The following MMP9 variants were observed in gnomAD, a reference collection of about 807,000 sequenced individuals.
The protein encoded by MMP9 is matrix metallopeptidase 9, also known as matrix metalloproteinase-9.
MMP9 carries 73 observed loss-of-function variants against 76.4 expected under a neutral mutation model. That is an observed-to-expected ratio of 0.96 (90% CI 0.79 to 1.16). The LOEUF (loss-of-function observed/expected upper bound fraction) is 1.16. Among genes scored for constraint, MMP9 ranks in the 50% most tolerant of loss-of-function variants. The pLI, the probability that MMP9 is intolerant of heterozygous loss-of-function variation, is 0.00. For synonymous variants in MMP9, 412 were observed against 408.4 expected (o/e 1.01, Z -0.11); for missense variants, 943 against 973.0 (o/e 0.97, Z 0.41).
intron 7 of MMP9, 31 bp from the exon 8 acceptor site, chr20:46,012,396 C>T: frequency 6.2e-7 from 1 of 1,613,746 alleles, no homozygotes; most frequent in Non-Finnish European, 8.5e-7. Context: ...CTCGGCCCGG[C>T]GCTCACGTCT....
chr20:46,012,469 C>T lies in MMP9; in HGVS notation c.1217C>T (p.Ala406Val), dbSNP rs748513980. Residue 406 changes from alanine to valine, a missense_variant, in exon 8 of 13, where the codon GCG becomes GTG. Ala to Val is a moderately conservative substitution (Grantham distance 64). Transcript: ENST00000372330. ...FLVAAHEFGH[A>V]LGLDHSSVPE... ...GTGGCGGCGCATGAGTTCGGCCACG[C>T]GCTGGGCTTAGATCATTCCTCAGTG... The T allele has an allele frequency of 3.1e-6, 5 of 1,614,190 alleles. No homozygotes were observed. Among genetic ancestry groups the T allele is most frequent in the Non-Finnish European group, 4.2e-6 (5 of 1,180,026 alleles).
At chr20:46,010,332 A>AAAAAAAAAAAAC (rs1555856978) in intron 2 of MMP9, 151 bp from the exon 3 acceptor site, 11 of 773,046 alleles carry the variant, frequency 1.4e-5, no homozygotes, top group African/African-American at 3.7e-5. Flanking sequence ...AAAAAAAAAA[A>AAAAAAAAAAAAC]AAAAAAAAAC....
rs144098289 is a variant in MMP9 at position 46,011,636 on chromosome 20, G to A, written c.886G>A (p.Gly296Ser). The part of the protein sequence containing the change: ...KPCQFPFIFQ[G>S]QSYSACTTDG... Reference sequence around the variant, plus strand: ...CTGCCAGTTTCCATTCATCTTCCAAGGCCAATCCTACTCCGCCTGCACCAC... The same window carrying A: ...CTGCCAGTTTCCATTCATCTTCCAAAGCCAATCCTACTCCGCCTGCACCAC... Residue 296 changes from glycine (G) to serine (S), a missense_variant, in exon 6 of 13, where the codon GGC (glycine) becomes AGC (serine). Transcript: ENST00000372330. The A allele has an allele frequency of 2.2e-3, 3,540 of 1,613,814 alleles. 8 individuals are homozygous for A. Among genetic ancestry groups the A allele is most frequent in the Admixed American group, 3.5e-3 (207 of 59,990 alleles).
rs200013592 is a variant in MMP9, at chr20:46,016,225, T to C, written c.2006-25T>C. 301 of 1,591,416 alleles carry C rather than the reference T, an allele frequency of 1.9e-4. 4 individuals carry two copies. In the South Asian group the frequency reaches 3.0e-3, roughly 16 times the overall value. ...TATGTGGGAGAATTAGAATCACTCC[T>C]CTTATGCCTGCCTGTCTCCTGCAGA... On this transcript the variant is annotated intron_variant, in intron 12 of 12. Transcript: ENST00000372330.
rs765967228 is a variant in MMP9, at chr20:46,016,239, G to C, written c.2006-11G>C. The C allele has an allele frequency of 6.2e-7, 1 of 1,610,118 alleles. No individual in the cohort carries two copies. Among genetic ancestry groups the C allele is most frequent in the Admixed American group, 1.7e-5 (1 of 60,026 alleles). On this transcript the variant is annotated splice_polypyrimidine_tract_variant and intron_variant, in intron 12 of 12. Coordinates refer to ENST00000372330, the MANE Select transcript of MMP9 (RefSeq NM_004994.3). ...AGAATCACTCCTCTTATGCCTGCCT[G>C]TCTCCTGCAGAGAAAGCCTATTTCT... is the stretch of plus-strand genomic sequence containing the variant.
intron 4 of MMP9, 32 bp from the exon 5 acceptor site, chr20:46,011,111 C>T: frequency 6.2e-7 from 1 of 1,614,024 alleles, no homozygotes. Context: ...CATCACCCGC[C>T]GCCCTAACTC....
chr20:46,011,115 C>A, intron 4 of MMP9, 28 bp from the exon 5 acceptor site: 2 of 1,614,048 alleles, frequency 1.2e-6, no homozygotes, highest in Non-Finnish European at 1.7e-6. Context: ...ACCCGCCGCC[C>A]TAACTCCGGT....
In MMP9 at chr20:46,013,399, G is replaced by A; in HGVS notation, c.1475G>A (p.Gly492Asp). Residue 492 changes from glycine (G) to aspartate (D), a missense_variant, in exon 9 of 13, where the codon GGC (glycine) becomes GAC (aspartate). Transcript: ENST00000372330. The surrounding 1 kb of genome is among the most constrained non-coding windows in gnomAD (Gnocchi z 4.5). ...GGCCCCACAGGTCCCCCCTCAGCTG[G>A]CCCCACAGGTCCCCCCACTGCTGGC... ...TAGPTGPPSA[G>D]PTGPPTAGPS... 6.2e-7 allele frequency: 1 copy of A among 1,613,530 alleles called. No individual in the cohort carries two copies. The highest frequency in any genetic ancestry group is 8.5e-7 in the Non-Finnish European group (1 of 1,179,744).
Position 46,014,413 on chromosome 20 carries a change from C to T in MMP9, c.1944C>T (p.Ser648=), listed in dbSNP as rs201553146. The T allele has an allele frequency of 5.8e-6, 9 of 1,550,098 alleles. No homozygotes were observed. Among genetic ancestry groups the T allele is most frequent in the Non-Finnish European group, 7.0e-6 (8 of 1,146,984 alleles). ...KAQMVDPRSA[S]EVDRMFPGVP... ...AGATGGTGGATCCCCGGAGCGCCAG[C>T]GAGGTGGACCGGATGTTCCCCGGGG... The change falls in exon 12 of 13, where the codon AGC becomes AGT. Residue 648 remains serine (S), a synonymous_variant. Transcript: ENST00000372330.
intron 12 of MMP9, chr20:46,014,839 C>G: frequency 3.5e-6 from 1 of 282,782 alleles, no homozygotes; most frequent in East Asian, 8.6e-5. Context: ...GGGCAAGTCA[C>G]TGCTTCTCTA....
In MMP9 at chr20:46,011,124, G is replaced by T; in HGVS notation, c.650-19G>T. On this transcript the variant is annotated intron_variant, in intron 4 of 12. Coordinates refer to ENST00000372330, the MANE Select transcript of MMP9 (RefSeq NM_004994.3). ...CTCATCACCCGCCGCCCTAACTCCGGTCCCCCCTCCTCCTGCAGTGGTTCC... is the reference window on the plus strand; with the variant it reads ...CTCATCACCCGCCGCCCTAACTCCGTTCCCCCCTCCTCCTGCAGTGGTTCC... 6.2e-7 allele frequency: 1 copy of T among 1,613,964 alleles called. No homozygotes were observed. The highest frequency in any genetic ancestry group is 2.2e-5 in the East Asian group (1 of 44,878).
At position 46,014,277 on chromosome 20, in the gene MMP9, G is replaced by C; in HGVS notation, c.1901+3G>C. ...TTCAGCGGGCGGCGCCTCTGGAGGT[G>C]AGCGCCGCCGCGGCCGCCGGCAGGG... On this transcript the variant is annotated splice_donor_region_variant and intron_variant, in intron 11 of 12. Coordinates refer to ENST00000372330, the MANE Select transcript of MMP9 (RefSeq NM_004994.3). The C allele has an allele frequency of 6.6e-7, 1 of 1,524,622 alleles. No homozygotes were observed. Among genetic ancestry groups the C allele is most frequent in the South Asian group, 1.2e-5 (1 of 81,944 alleles). The allele number at this position is 1,524,622 out of a possible 1,614,324, so 94.4% of individuals were successfully genotyped here.
chr20:46,012,562 A>C lies in MMP9; in HGVS notation c.1310A>C (p.Asn437Thr), dbSNP rs757093115. The C allele has an allele frequency of 6.2e-7, 1 of 1,601,628 alleles. No homozygotes were observed. The highest frequency in any genetic ancestry group is 1.3e-5 in the African/African-American group (1 of 74,414). ...CCCCCCTTGCATAAGGACGACGTGAATGGCATCCGGCACCTCTATGGTGAG... is the reference window on the plus strand; with the variant it reads ...CCCCCCTTGCATAAGGACGACGTGACTGGCATCCGGCACCTCTATGGTGAG... ...EGPPLHKDDV[N>T]GIRHLYGPRP... is the part of the protein sequence containing the mutation. The change falls in exon 8 of 13, where the codon AAT becomes ACT. Residue 437 changes from asparagine (N) to threonine (T), a missense_variant. By Grantham distance (65) the Asn-to-Thr change is moderately conservative. Transcript: ENST00000372330.
In MMP9 at chr20:46,016,432, C is replaced by T; in HGVS notation, c.*64C>T. ...ACTGGGACCAACCCTGGGGAAGGAGCCAGTTTGCCGGATACAAACTGGTAT... is the reference window on the plus strand; with the variant it reads ...ACTGGGACCAACCCTGGGGAAGGAGTCAGTTTGCCGGATACAAACTGGTAT... On this transcript the variant is annotated 3_prime_UTR_variant, in exon 13 of 13. Transcript: ENST00000372330. The T allele has an allele frequency of 7.4e-7, 1 of 1,350,596 alleles. No homozygotes were observed. The highest frequency in any genetic ancestry group is 1.4e-5 in the African/African-American group (1 of 69,866). 83.7% of individuals were successfully genotyped at this position (1,350,596 alleles called of 1,614,324 possible).
At chr20:46,012,663 C>T in intron 8 of MMP9, 81 bp downstream of exon 8, 1 of 598,790 alleles carries the variant, frequency 1.7e-6, no homozygotes, top group Non-Finnish European at 2.7e-6. Flanking sequence ...GGTTGGGGAT[C>T]GGGGGAGGAA....
At chr20:46,010,663 C>T in intron 3 of MMP9, 32 bp downstream of exon 3, 1 of 1,601,726 alleles carries the variant, frequency 6.2e-7, no homozygotes, top group Admixed American at 1.7e-5. Context: ...ATCCAAGAGA[C>T]CTGGGCGGGG....
intron 12 of MMP9, 53 bp downstream of exon 12, chr20:46,014,527 T>C: frequency 1.3e-6 from 2 of 1,496,438 alleles, no homozygotes; most frequent in Non-Finnish European, 1.8e-6. Context: ...CTCCTCTTAG[T>C]GAGTGGTCAA....
intron 12 of MMP9, 35 bp from the exon 13 acceptor site, chr20:46,016,215 G>T (rs908354449): frequency 6.5e-7 from 1 of 1,549,848 alleles, no homozygotes; most frequent in African/African-American, 1.4e-5. Context: ...GGGAGAATTA[G>T]AATCACTCCT....
At position 46,013,456 on chromosome 20, in the gene MMP9, C is replaced by G; in HGVS notation, c.1532C>G (p.Pro511Arg). ...PSTATTVPLS[P>R]VDDACNVNIF... ...ACGGCCACTACTGTGCCTTTGAGTC[C>G]GGTGGACGATGCCTGCAACGTGAAC... Residue 511 changes from proline (P) to arginine (R), a missense_variant, in exon 9 of 13, where the codon CCG becomes CGG. By Grantham distance (103) the Pro-to-Arg change is moderately radical. Coordinates refer to ENST00000372330, the MANE Select transcript of MMP9 (RefSeq NM_004994.3). The surrounding 1 kb of genome is among the most constrained non-coding windows in gnomAD (Gnocchi z 4.5). 6.2e-7 allele frequency: 1 copy of G among 1,614,074 alleles called. No homozygotes were observed. The highest frequency in any genetic ancestry group is 8.5e-7 in the Non-Finnish European group (1 of 1,179,998).
Sources: allele counts gnomAD v4.1 joint callset, GRCh38; gene constraint gnomAD v4.1.1; non-coding constraint Gnocchi (gnomAD v3.1); transcripts MANE v1.5; gene names NCBI Gene and HGNC (gene_info 2026-07-23, HGNC 2026-07-21).